The following KIAA0825 variants were observed in gnomAD, a reference collection of about 807,000 sequenced individuals.
KIAA0825 encodes uncharacterized protein KIAA0825.
KIAA0825 carries 119 observed loss-of-function variants against 147.6 expected under a neutral mutation model. The observed-to-expected ratio is 0.81, with a 90% CI of 0.69 to 0.94. The LOEUF (loss-of-function observed/expected upper bound fraction) is 0.94, where lower values mean the gene tolerates loss of function less well. KIAA0825 is among the 40% of genes least tolerant of loss of function. The pLI is 0.00. For synonymous variants in KIAA0825, 470 were observed against 518.1 expected, an observed-to-expected ratio of 0.91 and a Z score of 1.26; for missense variants, 1,381 against 1,472.7, an observed-to-expected ratio of 0.94 and a Z score of 1.02.
At chr5:94,541,105 A>C (rs1001729106) in intron 2 of KIAA0825, among the ~76,000 whole-genome samples, 2 of 152,210 alleles carry the variant, frequency 1.3e-5, no homozygotes, top group Non-Finnish European at 2.9e-5. Context: ...TGTACAATTT[A>C]AAGGTGATTA....
chr5:94,538,544 G>T (rs62364621), intron 2 of KIAA0825, among the ~76,000 whole-genome samples: 29,316 of 152,206 alleles, frequency 0.19, 3,703 homozygotes, highest in Non-Finnish European at 0.29. Context: ...TGCCATGAAC[G>T]GAGATCACTA....
intron 4 of KIAA0825, among the ~76,000 whole-genome samples, chr5:94,523,043 G>A (rs556218849): frequency 6.6e-6 from 1 of 151,748 alleles, no homozygotes; most frequent in Admixed American, 6.6e-5. Context: ...AGGGCACACA[G>A]TCTTCCTTTC....
rs1179192409 is a variant in KIAA0825 at position 94,417,306 on chromosome 5, A to G, written c.2557T>C (p.Phe853Leu). 6.4e-7 allele frequency: 1 copy of G among 1,550,528 alleles called. No homozygotes were observed. The highest frequency in any genetic ancestry group is 1.4e-5 in the African/African-American group (1 of 73,020). ...NQGPSLMEAI[F>L]KILYHCSFSP... ...AAACTGCAATGGTACAATATTTTAA[A>G]GATGGCTTCCATCAAGCTGGGTCCT... The change falls in exon 15 of 21, where the codon TTT becomes CTT. Residue 853 changes from phenylalanine (F) to leucine (L), a missense_variant. Transcript: ENST00000682413.
At chr5:94,345,571 A>G (rs1211735126) in intron 20 of KIAA0825, among the ~76,000 whole-genome samples, 1 of 152,150 alleles carries the variant, frequency 6.6e-6, no homozygotes, top group Non-Finnish European at 1.5e-5. Context: ...GAATATGACA[A>G]ATGTTTTATA....
At chr5:94,206,775 C>CT in intron 20 of KIAA0825, among the ~76,000 whole-genome samples, 1 of 152,162 alleles carries the variant, frequency 6.6e-6, no homozygotes, top group East Asian at 1.9e-4. Context: ...CCTTCAGTCT[C>CT]TCCTATAAGG....
intron 7 of KIAA0825, among the ~76,000 whole-genome samples, chr5:94,476,808 C>T (rs906084244): frequency 2.6e-5 from 4 of 151,996 alleles, no homozygotes; most frequent in South Asian, 4.2e-4. Context: ...TCCATTTTCT[C>T]GCTATTCGAC....
chr5:94,323,672 G>A (rs1359503531), intron 20 of KIAA0825, among the ~76,000 whole-genome samples: 2 of 151,768 alleles, frequency 1.3e-5, no homozygotes, highest in Non-Finnish European at 2.9e-5. Context: ...TTTCCAATCC[G>A]ATTCTTGTAT....
rs1562283976 is a variant in KIAA0825, at chr5:94,152,846, AAAAAAAAAAT to A, written c.*1151_*1160del. On this transcript the variant is annotated 3_prime_UTR_variant, in exon 21 of 21. Coordinates refer to ENST00000682413, the MANE Select transcript of KIAA0825 (RefSeq NM_001145678.3). ...GAAAAAAAAAAAAAAAAAAAAAAAA[AAAAAAAAAAT>A]TATATATATATATATATATATATAT... 82 of 36,174 alleles carry A rather than the reference AAAAAAAAAAT, an allele frequency of 2.3e-3. 2 individuals are homozygous for A. Among genetic ancestry groups the A allele is most frequent in the Non-Finnish European group, 3.5e-3 (63 of 18,134 alleles). The allele number at this position is 36,174 out of a possible 1,614,324, so 2.2% of individuals were successfully genotyped here. A position where few individuals can be genotyped will look rare whatever the true frequency, so the allele number is the denominator to read the frequency against.
intron 1 of KIAA0825, among the ~76,000 whole-genome samples, chr5:94,592,000 A>G (rs10074178): frequency 0.53 from 80,536 of 152,022 alleles, 22,135 homozygotes; most frequent in African/African-American, 0.69. Flanking sequence ...TGACATGTGG[A>G]AATTATGGCA....
At chr5:94,526,469 C>G (rs1184842288) in intron 3 of KIAA0825, among the ~76,000 whole-genome samples, 1 of 151,926 alleles carries the variant, frequency 6.6e-6, no homozygotes, top group Admixed American at 6.6e-5. Context: ...TTTCATATGT[C>G]TCAACATTTC....
At chr5:94,570,249 T>G (rs1779687064) in intron 2 of KIAA0825, 1 of 152,614 alleles carries the variant, frequency 6.6e-6, no homozygotes, top group Non-Finnish European at 1.5e-5. Context: ...CTTTTCCTCC[T>G]CACCCTATTA....
At chr5:94,273,705 T>A (rs1044720294) in intron 20 of KIAA0825, among the ~76,000 whole-genome samples, 1 of 152,132 alleles carries the variant, frequency 6.6e-6, no homozygotes, top group African/African-American at 2.4e-5. Flanking sequence ...TGCCTCCTCA[T>A]CTTTCTTATG....
chr5:94,168,854 A>C (rs1445305280), intron 20 of KIAA0825, among the ~76,000 whole-genome samples: 3 of 152,162 alleles, frequency 2.0e-5, no homozygotes, highest in Non-Finnish European at 4.4e-5. Flanking sequence ...TATATCTGGA[A>C]ATTTTCATGG....
At chr5:94,370,373 G>A (rs113961806) in intron 20 of KIAA0825, among the ~76,000 whole-genome samples, 1 of 152,096 alleles carries the variant, frequency 6.6e-6, no homozygotes, top group Admixed American at 6.6e-5. Context: ...TTATTCATTT[G>A]TTGTAACTCA....
chr5:94,606,024 C>A (rs568264267), intron 1 of KIAA0825, among the ~76,000 whole-genome samples: 1 of 152,302 alleles, frequency 6.6e-6, no homozygotes, highest in South Asian at 2.1e-4. Flanking sequence ...ATAGTCTTAG[C>A]CCAAAGGCTC....
rs114842461 is a variant in KIAA0825 at position 94,545,309 on chromosome 5, C to G, written c.-1-8182G>C. Among the ~76,000 whole-genome samples the G allele has an allele frequency of 4.0e-3, 609 of 152,036 alleles. 2 individuals are homozygous for G. Among genetic ancestry groups the G allele is most frequent in the African/African-American group, 0.014 (589 of 41,456 alleles). ...CAAGGATGGCTATTCCTAAGCACAC[C>G]CTTGTGCTGTGCTGGGCTTAGAACC... is the stretch of plus-strand genomic sequence containing the variant. On this transcript the variant is annotated intron_variant, in intron 2 of 20. Transcript: ENST00000682413.
rs944644117 is a variant in KIAA0825 at position 94,396,355 on chromosome 5, A to G, written c.3042T>C (p.Leu1014=). 2.1e-5 allele frequency: 33 copies of G among 1,550,932 alleles called. No individual in the cohort carries two copies. The highest frequency in any genetic ancestry group is 2.5e-5 in the Non-Finnish European group (29 of 1,146,796). ...KFVELKKAGL[L]VWNLIVIICR... is the part of the protein sequence containing the mutation. ...ATATAATTACAATCAAGTTCCAGAC[A>G]AGCAGGCCAGCTTTCTTCAATTCAA... is the stretch of plus-strand genomic sequence containing the variant. The change falls in exon 17 of 21, where the codon CTT becomes CTC. Residue 1014 remains leucine (L), a synonymous_variant. Transcript: ENST00000682413.
intron 1 of KIAA0825, among the ~76,000 whole-genome samples, chr5:94,607,350 C>A (rs112132933): frequency 6.6e-6 from 1 of 152,002 alleles, no homozygotes; most frequent in Non-Finnish European, 1.5e-5. Flanking sequence ...AGGCTGGGTG[C>A]GGTGGCTCAT....
At chr5:94,503,648 C>A (rs997801445) in intron 5 of KIAA0825, among the ~76,000 whole-genome samples, 3 of 136,244 alleles carry the variant, frequency 2.2e-5, no homozygotes, top group Non-Finnish European at 3.0e-5. Flanking sequence ...CACTACTTCT[C>A]CATCATCTGA....
Sources: allele counts gnomAD v4.1 joint callset (sites outside exome capture counted in the v4.1 genomes callset), GRCh38; gene constraint gnomAD v4.1.1; transcripts MANE v1.5; gene names NCBI Gene and HGNC (gene_info 2026-07-23, HGNC 2026-07-21).